Variants in GUCY2F observed in about 807,000 individuals in gnomAD.
The protein encoded by GUCY2F is guanylate cyclase 2F, retinal, also known as retinal guanylyl cyclase 2.
GUCY2F carries 61 observed loss-of-function variants against 73.1 expected under a neutral mutation model. The ratio of observed to expected loss-of-function variants is 0.83; its 90% CI spans 0.68 to 1.03. The LOEUF is 1.03. Ranked by LOEUF, GUCY2F falls within the 50% of genes least tolerant of loss-of-function variation. The probability of loss-of-function intolerance (pLI) is 0.00; values close to 1 mark genes in which losing one functional copy is unlikely to be tolerated. For missense variants in GUCY2F, 912 were observed against 854.3 expected, an observed-to-expected ratio of 1.07 and a Z score of -0.84; for synonymous variants, 331 against 307.8, an observed-to-expected ratio of 1.08 and a Z score of -0.79.
intron 1 of GUCY2F, among the ~76,000 whole-genome samples, chrX:109,477,253 G>A (rs945238220): frequency 2.7e-5 from 3 of 111,436 alleles, no homozygotes; most frequent in East Asian, 2.8e-4. Context: ...AGATATAGAA[G>A]GTAAGTGAAA....
chrX:109,383,976 T>C (rs1930378281), intron 16 of GUCY2F, among the ~76,000 whole-genome samples: 1 of 112,816 alleles, frequency 8.9e-6, no homozygotes, highest in Non-Finnish European at 1.9e-5. Context: ...TGCAAAGTTA[T>C]ATTAATGCAG....
intron 1 of GUCY2F, among the ~76,000 whole-genome samples, chrX:109,478,068 T>C (rs1331629798): frequency 8.9e-6 from 1 of 111,901 alleles, no homozygotes; most frequent in Non-Finnish European, 1.9e-5. Flanking sequence ...CTGAGCTGAT[T>C]ATATGCATAA....
chrX:109,447,929 C>T (rs1932056320), intron 6 of GUCY2F, 140 bp downstream of exon 6: 1 of 291,940 alleles, frequency 3.4e-6, no homozygotes. Context: ...TGTTTTTATA[C>T]TGTTTTCTAA....
At chrX:109,480,530 A>AT (rs1277612977) in intron 1 of GUCY2F, among the ~76,000 whole-genome samples, 1 of 111,501 alleles carries the variant, frequency 9.0e-6, no homozygotes, top group East Asian at 2.8e-4. Context: ...TAAGGCTGGC[A>AT]TTTTTGTGTT....
intron 7 of GUCY2F, among the ~76,000 whole-genome samples, chrX:109,433,782 C>T (rs1367066731): frequency 1.8e-5 from 2 of 111,393 alleles, no homozygotes; most frequent in Non-Finnish European, 3.8e-5. Context: ...ACTAAAGCCA[C>T]GGTGTATTAA....
intron 7 of GUCY2F, among the ~76,000 whole-genome samples, chrX:109,435,129 T>A (rs1931709212): frequency 9.0e-6 from 1 of 111,674 alleles, no homozygotes; most frequent in Non-Finnish European, 1.9e-5. Context: ...TGGTTCCATA[T>A]GAGCTTTAAA....
intron 17 of GUCY2F, among the ~76,000 whole-genome samples, chrX:109,379,887 C>T (rs1210502485): frequency 8.9e-6 from 1 of 112,333 alleles, no homozygotes; most frequent in Non-Finnish European, 1.9e-5. Flanking sequence ...AGCTTCTCAT[C>T]TCTAAATGAG....
intron 17 of GUCY2F, among the ~76,000 whole-genome samples, 188 bp from the exon 18 acceptor site, chrX:109,376,355 C>T (rs1335541909): frequency 5.4e-5 from 6 of 112,003 alleles, no homozygotes; most frequent in African/African-American, 1.6e-4. Context: ...TTTTGTCTAC[C>T]GCCACCATAC....
chrX:109,402,172 G>T (rs181932639), intron 10 of GUCY2F, among the ~76,000 whole-genome samples: 1 of 111,112 alleles, frequency 9.0e-6, no homozygotes, highest in Non-Finnish European at 1.9e-5. Flanking sequence ...TACTGCCACT[G>T]CAATTTGGAG....
intron 16 of GUCY2F, chrX:109,383,474 T>A: frequency 2.2e-6 from 1 of 463,836 alleles, no homozygotes; most frequent in Non-Finnish European, 2.7e-6. Context: ...ATTGATGAAA[T>A]AATTTTTTTA....
chrX:109,434,546 A>T (rs994544095), intron 7 of GUCY2F, among the ~76,000 whole-genome samples: 1 of 109,976 alleles, frequency 9.1e-6, no homozygotes, highest in Non-Finnish European at 1.9e-5. Flanking sequence ...TCTTATGAAA[A>T]TTTAATTTAT....
intron 7 of GUCY2F, among the ~76,000 whole-genome samples, chrX:109,431,431 G>A (rs1931608534): frequency 2.7e-5 from 3 of 111,563 alleles, no homozygotes; most frequent in Admixed American, 9.5e-5. Flanking sequence ...GGGCGCGGTG[G>A]CTCACGCCTG....
intron 7 of GUCY2F, among the ~76,000 whole-genome samples, chrX:109,440,951 A>AT (rs1461240910): frequency 1.8e-5 from 2 of 112,230 alleles, no homozygotes; most frequent in Admixed American, 1.9e-4. Context: ...AACAACTAGA[A>AT]TTTGAAGAGA....
intron 8 of GUCY2F, among the ~76,000 whole-genome samples, chrX:109,425,747 T>TA (rs1210731515): frequency 9.0e-6 from 1 of 110,640 alleles, no homozygotes; most frequent in African/African-American, 3.3e-5. Flanking sequence ...AAATTGCCAC[T>TA]AAAGAACTTA....
intron 7 of GUCY2F, among the ~76,000 whole-genome samples, chrX:109,435,888 T>C (rs1218838175): frequency 2.7e-5 from 3 of 111,632 alleles, no homozygotes; most frequent in South Asian, 3.8e-4. Context: ...GAGATAATCA[T>C]GTGGTTTTTG....
Position 109,422,351 on chromosome X carries a change from T to G in GUCY2F, c.1791+7956A>C, listed in dbSNP as rs779215646. Among the ~76,000 whole-genome samples, 489 of 111,513 alleles carry G rather than the reference T, an allele frequency of 4.4e-3. 2 individuals are homozygous for G. The highest frequency in any genetic ancestry group is 0.015 in the African/African-American group (457 of 30,836). Reference sequence around the variant, plus strand: ...ATAGGATATACGAAGTAGTGAAAATTCATAGAAAAAGAAAATAGAATGGTG... The same window carrying G: ...ATAGGATATACGAAGTAGTGAAAATGCATAGAAAAAGAAAATAGAATGGTG... On this transcript the variant is annotated intron_variant, in intron 8 of 19. Coordinates refer to ENST00000218006, the MANE Select transcript of GUCY2F (RefSeq NM_001522.3).
intron 3 of GUCY2F, among the ~76,000 whole-genome samples, chrX:109,462,868 C>A (rs1043005498): frequency 8.9e-6 from 1 of 111,818 alleles, no homozygotes; most frequent in Non-Finnish European, 1.9e-5. Context: ...ACACATCAAA[C>A]AACTGGTTTG....
chrX:109,379,567 A>C, intron 17 of GUCY2F, among the ~76,000 whole-genome samples: 1 of 112,357 alleles, frequency 8.9e-6, no homozygotes, highest in Admixed American at 9.4e-5. Flanking sequence ...GCAACAACAT[A>C]AACTGGCTGA....
chrX:109,449,406 T>C (rs981250811), intron 5 of GUCY2F, among the ~76,000 whole-genome samples: 1 of 112,343 alleles, frequency 8.9e-6, no homozygotes, highest in Admixed American at 9.4e-5. Flanking sequence ...CATGAATCTT[T>C]TGGCAAAGTA....
Sources: gnomAD v4.1 joint callset for allele counts (sites outside exome capture counted in the v4.1 genomes callset) on GRCh38, gnomAD v4.1.1 for gene constraint, MANE v1.5 for transcripts, NCBI Gene and HGNC (gene_info 2026-07-23, HGNC 2026-07-21) for gene names.